PMF1: variants seen among roughly 807,000 people sequenced by gnomAD.
The protein encoded by PMF1 is polyamine-modulated factor 1.
In PMF1, 21 loss-of-function variants were observed where a neutral mutation model predicts 26.7. The observed-to-expected ratio is 0.79, with a 90% CI of 0.56 to 1.13. The LOEUF (loss-of-function observed/expected upper bound fraction) is 1.13, where lower values mean the gene tolerates loss of function less well. Among genes scored for constraint, PMF1 ranks in the 50% most tolerant of loss-of-function variants. The pLI is 0.00. For synonymous variants in PMF1, 105 were observed against 101.0 expected (o/e 1.04, Z -0.24); for missense variants, 266 against 254.9 (o/e 1.04, Z -0.30).
intron 1 of PMF1, among the ~76,000 whole-genome samples, chr1:156,226,870 C>T (rs186883610): frequency 7.4e-4 from 113 of 152,266 alleles, no homozygotes; most frequent in African/African-American, 2.6e-3. Context: ...GCTGGGTGAC[C>T]TCTTATGTAC....
chr1:156,238,127 C>A (rs1024735587), intron 4 of PMF1, among the ~76,000 whole-genome samples: 1 of 152,146 alleles, frequency 6.6e-6, no homozygotes, highest in African/African-American at 2.4e-5. Flanking sequence ...TTCTGTTATA[C>A]TATTGGTTAT....
chr1:156,232,169 T>G, intron 1 of PMF1, 151 bp from the exon 2 acceptor site: 1 of 696,452 alleles, frequency 1.4e-6, no homozygotes, highest in Non-Finnish European at 2.5e-6. Flanking sequence ...GACTCGTGCT[T>G]AGATGAGAGA....
chr1:156,217,799 C>T (rs1657860349), intron 1 of PMF1, among the ~76,000 whole-genome samples: 1 of 152,122 alleles, frequency 6.6e-6, no homozygotes, highest in Admixed American at 6.5e-5. Context: ...CTTCTTAGTG[C>T]TGCCTGTCAG....
At chr1:156,221,926 ACTGT>A (rs1330874721) in intron 1 of PMF1, among the ~76,000 whole-genome samples, 1 of 151,958 alleles carries the variant, frequency 6.6e-6, no homozygotes, top group Non-Finnish European at 1.5e-5. Flanking sequence ...CCTTGCTGAC[ACTGT>A]CTGAGTTCAG....
At chr1:156,236,178 C>T in intron 3 of PMF1, 110 bp from the exon 4 acceptor site, 1 of 1,477,824 alleles carries the variant, frequency 6.8e-7, no homozygotes, top group Non-Finnish European at 9.2e-7. Context: ...GGAAGCCAGC[C>T]CAACTTGGGA....
chr1:156,231,403 A>G (rs1344106268), intron 1 of PMF1, among the ~76,000 whole-genome samples: 2 of 151,728 alleles, frequency 1.3e-5, no homozygotes, highest in Non-Finnish European at 2.9e-5. Context: ...TCCTGTCTCA[A>G]AAAGAAAAGT....
intron 1 of PMF1, among the ~76,000 whole-genome samples, chr1:156,218,069 C>T (rs755346638): frequency 1.4e-4 from 21 of 152,210 alleles, no homozygotes; most frequent in Non-Finnish European, 2.5e-4. Context: ...GTCATTCTGC[C>T]AGGTGTGAAA....
Position 156,239,693 on chromosome 1 carries a change from C to T in PMF1, c.*92C>T. The T allele has an allele frequency of 2.0e-6, 2 of 1,012,874 alleles. No individual in the cohort carries two copies. The highest frequency in any genetic ancestry group is 3.1e-6 in the Non-Finnish European group (2 of 643,216). 62.7% of individuals were successfully genotyped at this position (1,012,874 alleles called of 1,614,324 possible). ...CTGGGCGGGCTACCTCTGAGAACGG[C>T]TGAAATGGTGCCCAGTCCATCAGCA... On this transcript the variant is annotated 3_prime_UTR_variant, in exon 5 of 5. Transcript: ENST00000368277.
At position 156,232,381 on chromosome 1, in the gene PMF1, C is replaced by T; in HGVS notation, c.223C>T (p.Gln75Ter). Residue 75 changes from glutamine (Q) to a stop codon, truncating the protein, a stop_gained, in exon 2 of 5, where the codon CAA becomes TAA. Coordinates refer to ENST00000368277, the MANE Select transcript of PMF1 (RefSeq NM_007221.4). LOFTEE classifies it high-confidence loss of function. ...CCAGTTGCAGCCTGCGATGACACAGCAAATCTATGACAAGTTTATAGCTCA... is the reference window on the plus strand; with the variant it reads ...CCAGTTGCAGCCTGCGATGACACAGTAAATCTATGACAAGTTTATAGCTCA... ...FYQLQPAMTQQIYDKFIAQLQ... is the reference protein window; with the variant it reads ...FYQLQPAMTQ 6.2e-7 allele frequency: 1 copy of T among 1,614,008 alleles called. No homozygotes were observed. Among genetic ancestry groups the T allele is most frequent in the Non-Finnish European group, 8.5e-7 (1 of 1,179,904 alleles).
chr1:156,230,276 T>C (rs180905872), intron 1 of PMF1, among the ~76,000 whole-genome samples: 144 of 152,360 alleles, frequency 9.5e-4, no homozygotes, highest in African/African-American at 3.2e-3. Flanking sequence ...TCAGGCGCTT[T>C]CTGCAAGTCA....
intron 1 of PMF1, among the ~76,000 whole-genome samples, chr1:156,217,233 T>TAAA (rs558492040): frequency 3.1e-5 from 3 of 97,982 alleles, no homozygotes; most frequent in Admixed American, 1.1e-4. Context: ...TAAAGTATAA[T>TAAA]AAAAAAAAAA....
chr1:156,214,394 C>T (rs1657567629), intron 1 of PMF1, among the ~76,000 whole-genome samples: 1 of 152,180 alleles, frequency 6.6e-6, no homozygotes, highest in South Asian at 2.1e-4. Context: ...TGTTCCCAGT[C>T]CATTCCTCCT....
At chr1:156,218,861 A>G (rs1175212249) in intron 1 of PMF1, among the ~76,000 whole-genome samples, 3 of 151,710 alleles carry the variant, frequency 2.0e-5, no homozygotes, top group Non-Finnish European at 4.4e-5. Flanking sequence ...AATTACTTCC[A>G]TTCATTTTTT....
chr1:156,215,826 T>A (rs1657664553), intron 1 of PMF1, among the ~76,000 whole-genome samples: 1 of 152,084 alleles, frequency 6.6e-6, no homozygotes, highest in African/African-American at 2.4e-5. Flanking sequence ...GTGGCTGGGA[T>A]TACAGGCATG....
At chr1:156,225,450 C>G (rs773696341) in intron 1 of PMF1, 3 of 662,820 alleles carry the variant, frequency 4.5e-6, no homozygotes, top group Non-Finnish European at 8.4e-6. Flanking sequence ...CCTCACCCCC[C>G]TCCCACCCTT....
At chr1:156,216,398 T>C (rs1657702124) in intron 1 of PMF1, among the ~76,000 whole-genome samples, 1 of 152,038 alleles carries the variant, frequency 6.6e-6, no homozygotes, top group East Asian at 1.9e-4. Context: ...CTCAAAAAAA[T>C]AAATAAAATA....
intron 1 of PMF1, among the ~76,000 whole-genome samples, chr1:156,219,900 C>G (rs937091940): frequency 6.6e-6 from 1 of 152,082 alleles, no homozygotes; most frequent in African/African-American, 2.4e-5. Flanking sequence ...CAGGCACACA[C>G]TACCACACCC....
chr1:156,215,583 G>A (rs1657655639), intron 1 of PMF1, among the ~76,000 whole-genome samples: 1 of 151,690 alleles, frequency 6.6e-6, no homozygotes, highest in Admixed American at 6.6e-5. Context: ...TTAGAGATGA[G>A]GTCTTGCTGT....
At chr1:156,227,717 C>T (rs183250463) in intron 1 of PMF1, among the ~76,000 whole-genome samples, 13 of 151,254 alleles carry the variant, frequency 8.6e-5, no homozygotes, top group Non-Finnish European at 1.6e-4. Flanking sequence ...AGGCTGGTCT[C>T]GAACTCCCGA....
Sources: allele counts gnomAD v4.1 joint callset (sites outside exome capture counted in the v4.1 genomes callset), GRCh38; gene constraint gnomAD v4.1.1; transcripts MANE v1.5; gene names NCBI Gene and HGNC (gene_info 2026-07-23, HGNC 2026-07-21).